The following COPG2 variants were observed in gnomAD, a reference collection of about 807,000 sequenced individuals.
COPG2 encodes coatomer subunit gamma-2.
A neutral mutation model predicts 46.3 loss-of-function variants in COPG2; 37 were observed. That is an observed-to-expected ratio of 0.80 (90% CI 0.61 to 1.05). COPG2 has a LOEUF of 1.05. Among genes scored for constraint, COPG2 ranks in the 50% least tolerant of loss-of-function variants. COPG2 has a pLI of 0.00. For missense variants in COPG2, 427 were observed against 387.8 expected (o/e 1.10, Z -0.85); for synonymous variants, 159 against 129.7 (o/e 1.23, Z -1.53).
chr7:130,548,457 T>C lies in COPG2; in HGVS notation c.1923A>G (p.Thr641=). 5.0e-6 allele frequency: 2 copies of C among 398,656 alleles called. No individual in the cohort carries two copies. The highest frequency in any genetic ancestry group is 4.4e-6 in the Non-Finnish European group (1 of 226,070). 24.7% of individuals were successfully genotyped at this position (398,656 alleles called of 1,614,324 possible). The change falls in exon 19 of 24, where the codon ACA becomes ACG. Residue 641 remains threonine, a synonymous_variant. Coordinates refer to ENST00000425248, the MANE Select transcript of COPG2 (RefSeq NM_012133.6). ...GCTTGATACATCGAACAAAATATTCTGTCTCTGCTTCTGTAAGTTGAACAG... is the reference window on the plus strand; with the variant it reads ...GCTTGATACATCGAACAAAATATTCCGTCTCTGCTTCTGTAAGTTGAACAG... ...SEPVQLTEAE[T]EYFVRCIKHM... is the part of the protein sequence containing the mutation.
At position 130,617,008 on chromosome 7, in the gene COPG2, A is replaced by G. The variant is rs1253799632; in HGVS notation, c.381T>C (p.Ala127=). Reference sequence around the variant, plus strand: ...AACTTACATCGGTGATCCTGCAGAGAGCTCTGATGGCCGGGCCTCGGTATA... The same window carrying G: ...AACTTACATCGGTGATCCTGCAGAGGGCTCTGATGGCCGGGCCTCGGTATA... ...EDVYRGPAIR[A]LCRITDGTML... Residue 127 remains alanine (A), a synonymous_variant, in exon 6 of 24, where the codon GCT becomes GCC. Coordinates refer to ENST00000425248, the MANE Select transcript of COPG2 (RefSeq NM_012133.6). 3 of 1,610,876 alleles carry G rather than the reference A, an allele frequency of 1.9e-6. No homozygotes were observed. The African/African-American group carries it at 4.0e-5, about 22-fold the overall frequency.
intron 20 of COPG2, chr7:130,547,462 C>T: frequency 2.6e-6 from 1 of 386,310 alleles, no homozygotes; most frequent in Non-Finnish European, 4.6e-6. Context: ...GCAAATTTTA[C>T]TCAGAGATTT....
At chr7:130,532,265 C>T (rs1007535289) in intron 20 of COPG2, among the ~76,000 whole-genome samples, 3 of 152,158 alleles carry the variant, frequency 2.0e-5, no homozygotes, top group Admixed American at 1.3e-4. Context: ...TCCAACGCCT[C>T]GGTCCCAGAC....
Position 130,541,338 on chromosome 7 carries a change from C to T in COPG2, c.2149+6336G>A, listed in dbSNP as rs1014768658. Among the ~76,000 whole-genome samples the T allele has an allele frequency of 2.4e-3, 353 of 147,798 alleles. 1 individual carries two copies. The highest frequency in any genetic ancestry group is 8.3e-3 in the African/African-American group (333 of 40,236). ...GCAGAGAGCAGGGGATCTGTTGTCA[C>T]GGGGAGGGAAGGTGCAAAGGGAAAT... On this transcript the variant is annotated intron_variant, in intron 20 of 23. Transcript: ENST00000425248.
chr7:130,608,392 T>G, intron 9 of COPG2: 1 of 221,410 alleles, frequency 4.5e-6, no homozygotes, highest in Non-Finnish European at 9.1e-6. Context: ...CATTTACCCT[T>G]TCTCTTGTCC....
chr7:130,634,079 G>A (rs879993301), intron 5 of COPG2, among the ~76,000 whole-genome samples: 1 of 152,080 alleles, frequency 6.6e-6, no homozygotes, highest in South Asian at 2.1e-4. Context: ...GTTGGTCTAT[G>A]TATCTGTTTT....
At chr7:130,637,105 T>C (rs191581608) in intron 5 of COPG2, among the ~76,000 whole-genome samples, 79 of 152,380 alleles carry the variant, frequency 5.2e-4, no homozygotes, top group Non-Finnish European at 9.0e-4. Context: ...GTTAGTCTGA[T>C]GGGCTTCCCT....
At chr7:130,600,197 T>C (rs1367420042) in intron 9 of COPG2, among the ~76,000 whole-genome samples, 1 of 152,210 alleles carries the variant, frequency 6.6e-6, no homozygotes, top group Non-Finnish European at 1.5e-5. Context: ...ATATACAAGT[T>C]CATTCCTGTT....
intron 20 of COPG2, among the ~76,000 whole-genome samples, chr7:130,540,503 G>A (rs2116370069): frequency 6.6e-6 from 1 of 152,204 alleles, no homozygotes; most frequent in Admixed American, 6.5e-5. Context: ...CCTATCAGGT[G>A]GGAGGACAAG....
intron 20 of COPG2, among the ~76,000 whole-genome samples, chr7:130,520,465 T>C (rs1487920174): frequency 6.6e-6 from 1 of 152,242 alleles, no homozygotes; most frequent in African/African-American, 2.4e-5. Flanking sequence ...TCACCAGCTA[T>C]CTGCTCATAC....
At chr7:130,530,523 A>G (rs930390801) in intron 20 of COPG2, among the ~76,000 whole-genome samples, 3 of 152,328 alleles carry the variant, frequency 2.0e-5, no homozygotes, top group Non-Finnish European at 2.9e-5. Flanking sequence ...AGAGGATGGA[A>G]AAGTTTGAGC....
At chr7:130,646,968 T>C (rs1420052438) in intron 5 of COPG2, among the ~76,000 whole-genome samples, 4 of 20,876 alleles carry the variant, frequency 1.9e-4, no homozygotes, top group African/African-American at 1.8e-3. Context: ...CATATATATA[T>C]GTGTATATAT....
intron 9 of COPG2, among the ~76,000 whole-genome samples, chr7:130,570,597 A>G (rs922815365): frequency 6.6e-6 from 1 of 152,206 alleles, no homozygotes; most frequent in Non-Finnish European, 1.5e-5. Flanking sequence ...AGTAGAATCA[A>G]TATTGTGAAA....
chr7:130,623,610 T>C (rs1795072103), intron 5 of COPG2, among the ~76,000 whole-genome samples: 1 of 152,216 alleles, frequency 6.6e-6, no homozygotes, highest in Non-Finnish European at 1.5e-5. Context: ...CTCCTGTTGG[T>C]ATTTTCATTG....
At chr7:130,611,959 A>G (rs1301458551) in intron 8 of COPG2, among the ~76,000 whole-genome samples, 193 bp downstream of exon 8, 2 of 152,250 alleles carry the variant, frequency 1.3e-5, no homozygotes, top group Admixed American at 6.5e-5. Flanking sequence ...TCTAGCTTCT[A>G]TGAAACACCT....
chr7:130,612,162 A>G lies in COPG2; in HGVS notation c.569T>C (p.Ile190Thr), dbSNP rs1680253980. ...ATTCAATGACAATACCTGGACCATA[A>G]TATTATCACTTGATGCAGCTTCTTG... ...EAQEAASSDNIMVQYHALGVL... is the reference protein window; with the variant it reads ...EAQEAASSDNTMVQYHALGVL... The change falls in exon 8 of 24, where the codon ATT (isoleucine) becomes ACT (threonine). Residue 190 changes from isoleucine (I) to threonine (T), a missense_variant. Transcript: ENST00000425248. The G allele has an allele frequency of 2.5e-6, 4 of 1,607,784 alleles. No homozygotes were observed. The highest frequency in any genetic ancestry group is 1.1e-5 in the South Asian group (1 of 90,740).
At chr7:130,539,014 C>T (rs990220464) in intron 20 of COPG2, among the ~76,000 whole-genome samples, 10 of 152,092 alleles carry the variant, frequency 6.6e-5, no homozygotes, top group Non-Finnish European at 1.0e-4. Context: ...GGTGCTGATA[C>T]GGGGGCTTCA....
At chr7:130,627,610 A>G (rs1368112902) in intron 5 of COPG2, among the ~76,000 whole-genome samples, 1 of 151,968 alleles carries the variant, frequency 6.6e-6, no homozygotes, top group African/African-American at 2.4e-5. Flanking sequence ...AATTCTTTTT[A>G]CCGTCTTCAT....
chr7:130,643,606 A>G (rs569046746), intron 5 of COPG2, among the ~76,000 whole-genome samples: 3 of 152,314 alleles, frequency 2.0e-5, no homozygotes, highest in Non-Finnish European at 4.4e-5. Flanking sequence ...TGCCTTAAAG[A>G]AAAAAGAAGG....
Sources: allele counts gnomAD v4.1 joint callset (sites outside exome capture counted in the v4.1 genomes callset), GRCh38; gene constraint gnomAD v4.1.1; transcripts MANE v1.5; gene names NCBI Gene and HGNC (gene_info 2026-07-23, HGNC 2026-07-21).